The following KALRN variants were observed in gnomAD, a reference collection of about 807,000 sequenced individuals.
KALRN encodes the protein kalirin RhoGEF kinase.
KALRN carries 70 observed loss-of-function variants against 353.7 expected under a neutral mutation model. That is an observed-to-expected ratio of 0.20 (90% confidence interval 0.16 to 0.24). The LOEUF (loss-of-function observed/expected upper bound fraction) is 0.24. Ranked by LOEUF, KALRN falls within the 10% of genes least tolerant of loss-of-function variation. The probability of loss-of-function intolerance (pLI) is 1.00; values close to 1 mark genes in which losing one functional copy is unlikely to be tolerated. For synonymous variants in KALRN, 1,391 were observed against 1,434.8 expected, an observed-to-expected ratio of 0.97 and a Z score of 0.69; for missense variants, 2,791 against 3,756.7, an observed-to-expected ratio of 0.74 and a Z score of 6.72.
intron 57 of KALRN, among the ~76,000 whole-genome samples, chr3:124,702,383 C>T (rs781725046): frequency 6.6e-6 from 1 of 152,076 alleles, no homozygotes; most frequent in Non-Finnish European, 1.5e-5. Context: ...ACAATTTTAG[C>T]TATAGGTCCT....
intron 1 of KALRN, among the ~76,000 whole-genome samples, chr3:124,119,610 C>T (rs1347667717): frequency 6.6e-6 from 1 of 152,234 alleles, no homozygotes; most frequent in Non-Finnish European, 1.5e-5. Flanking sequence ...GGCAGGACTA[C>T]TTCCAGGCTG....
chr3:124,163,824 C>T, intron 1 of KALRN: 1 of 985,512 alleles, frequency 1.0e-6, no homozygotes, highest in South Asian at 4.7e-5. Flanking sequence ...GGCCACCTGA[C>T]TGATGTTTAA....
chr3:124,407,356 TA>T lies in KALRN; in HGVS notation c.2347-6111del, dbSNP rs1180214451. ...TATTTGCTTCCAGGTTTTAAGCAGTTAAACATCCCTTCTTATTCTTTCTCAT... is the reference window on the plus strand; with the variant it reads ...TATTTGCTTCCAGGTTTTAAGCAGTTAACATCCCTTCTTATTCTTTCTCAT... On this transcript the variant is annotated intron_variant, in intron 13 of 59. Transcript: ENST00000682506. Among the ~76,000 whole-genome samples, 6 of 152,260 alleles carry T rather than the reference TA, an allele frequency of 3.9e-5. No homozygotes were observed. The East Asian group carries it at 1.2e-3, about 29-fold the overall frequency.
chr3:124,573,844 C>G (rs1243408188), intron 34 of KALRN, among the ~76,000 whole-genome samples: 7 of 152,144 alleles, frequency 4.6e-5, no homozygotes, highest in African/African-American at 1.7e-4. Context: ...TGACTTTAAC[C>G]CAGAGGATTG....
intron 1 of KALRN, among the ~76,000 whole-genome samples, chr3:124,173,621 T>A (rs375009985): frequency 4.9e-4 from 74 of 152,294 alleles, no homozygotes; most frequent in African/African-American, 1.6e-3. Context: ...GTGCTTTTTT[T>A]AATTATTATT....
chr3:124,354,872 A>C (rs1462869447), intron 10 of KALRN, among the ~76,000 whole-genome samples: 2 of 152,226 alleles, frequency 1.3e-5, no homozygotes, highest in Admixed American at 6.5e-5. Flanking sequence ...TACAAACCTG[A>C]GGGTAGAACC....
intron 16 of KALRN, among the ~76,000 whole-genome samples, chr3:124,434,030 A>C (rs1165035510): frequency 6.6e-6 from 1 of 152,230 alleles, no homozygotes; most frequent in Non-Finnish European, 1.5e-5. Context: ...TCTGCTACAG[A>C]AACTGAAATG....
At chr3:124,540,557 G>A (rs1676664578) in intron 33 of KALRN, among the ~76,000 whole-genome samples, 2 of 152,214 alleles carry the variant, frequency 1.3e-5, no homozygotes, top group South Asian at 2.1e-4. Context: ...CACAATTTTG[G>A]AGAGCTGGAG....
In KALRN at chr3:124,443,594, A is replaced by G. The variant is rs547084776; in HGVS notation, c.3313+1535A>G. Among the ~76,000 whole-genome samples the G allele has an allele frequency of 2.0e-5, 3 of 152,320 alleles. No individual in the cohort carries two copies. The South Asian group carries it at 6.2e-4, about 32-fold the overall frequency. On this transcript the variant is annotated intron_variant, in intron 19 of 59. Transcript: ENST00000682506. ...CTTCTTCCAGCACATTTGAAAGCAT[A>G]TGTTCTGGCTTCCAAATGTAGATGG... is the stretch of plus-strand genomic sequence containing the variant.
intron 1 of KALRN, among the ~76,000 whole-genome samples, chr3:124,150,173 T>A (rs987642920): frequency 6.6e-6 from 1 of 152,182 alleles, no homozygotes; most frequent in Non-Finnish European, 1.5e-5. Context: ...TTTATAAACC[T>A]GTATATTAAC....
At chr3:124,074,545 A>G (rs2060176603) in intron 1 of KALRN, among the ~76,000 whole-genome samples, 1 of 152,238 alleles carries the variant, frequency 6.6e-6, no homozygotes, top group African/African-American at 2.4e-5. Context: ...TCTTATCTGG[A>G]GAGAGGAGAC....
chr3:124,445,888 T>C (rs2093822134), intron 19 of KALRN, among the ~76,000 whole-genome samples: 1 of 152,170 alleles, frequency 6.6e-6, no homozygotes, highest in African/African-American at 2.4e-5. Context: ...AGAATCGGGG[T>C]CATTTGTAAG....
chr3:124,320,083 A>G (rs920289135), intron 6 of KALRN, among the ~76,000 whole-genome samples: 2 of 152,156 alleles, frequency 1.3e-5, no homozygotes, highest in African/African-American at 4.8e-5. Context: ...CAGTCGAGGC[A>G]ATACTGTTTA....
chr3:124,538,561 C>T (rs2068735918), intron 33 of KALRN, among the ~76,000 whole-genome samples: 1 of 152,108 alleles, frequency 6.6e-6, no homozygotes, highest in African/African-American at 2.4e-5. Context: ...AGATGATAAC[C>T]TAAGAGATAT....
chr3:124,325,239 C>T (rs1386715147), intron 6 of KALRN, among the ~76,000 whole-genome samples: 2 of 152,136 alleles, frequency 1.3e-5, no homozygotes, highest in Non-Finnish European at 2.9e-5. Context: ...AAGAGAGCCC[C>T]TCCTTGATGC....
At chr3:124,516,841 G>C (rs186043115) in intron 33 of KALRN, among the ~76,000 whole-genome samples, 1 of 150,688 alleles carries the variant, frequency 6.6e-6, no homozygotes, top group Non-Finnish European at 1.5e-5. Flanking sequence ...TACATGAGAC[G>C]GAGTCTCACT....
At chr3:124,320,500 CCCCAACA>C (rs2079217552) in intron 6 of KALRN, among the ~76,000 whole-genome samples, 1 of 152,150 alleles carries the variant, frequency 6.6e-6, no homozygotes. Context: ...AAGTGAAGAG[CCCCAACA>C]CCCAGCATGG....
At chr3:124,434,817 C>T (rs768430850) in intron 17 of KALRN, among the ~76,000 whole-genome samples, 1 of 152,214 alleles carries the variant, frequency 6.6e-6, no homozygotes, top group African/African-American at 2.4e-5. Context: ...GTATATTAGT[C>T]AGCTGTTACC....
intron 5 of KALRN, among the ~76,000 whole-genome samples, chr3:124,271,472 G>A (rs2074162199): frequency 6.6e-6 from 1 of 152,196 alleles, no homozygotes; most frequent in African/African-American, 2.4e-5. Flanking sequence ...AGTAATTGCT[G>A]TTACACCTAT....
Sources: gnomAD v4.1 joint callset for allele counts (sites outside exome capture counted in the v4.1 genomes callset) on GRCh38, gnomAD v4.1.1 for gene constraint, MANE v1.5 for transcripts, NCBI Gene and HGNC (gene_info 2026-07-23, HGNC 2026-07-21) for gene names.